The following ADGRV1 variants were observed in gnomAD, a reference collection of about 807,000 sequenced individuals.
ADGRV1 encodes the protein adhesion G protein-coupled receptor V1, also known as G-protein coupled receptor 98.
Under a neutral mutation model 596.2 loss-of-function variants are expected in ADGRV1, and 359 were observed. The ratio of observed to expected loss-of-function variants is 0.60; its 90% CI spans 0.55 to 0.66. The LOEUF is 0.66. ADGRV1 is among the 30% of genes least tolerant of loss of function. The pLI, the probability that ADGRV1 is intolerant of heterozygous loss-of-function variation, is 0.00. For synonymous variants in ADGRV1, 2,681 were observed against 2,679.2 expected, an observed-to-expected ratio of 1.00 and a Z score of -0.02; for missense variants, 7,274 against 7,575.6, an observed-to-expected ratio of 0.96 and a Z score of 1.48.
intron 87 of ADGRV1, among the ~76,000 whole-genome samples, chr5:91,136,488 G>T (rs1794648247): frequency 6.6e-6 from 1 of 152,180 alleles, no homozygotes; most frequent in African/African-American, 2.4e-5. Flanking sequence ...CTTGTGGCAG[G>T]CCACCTCAAC....
chr5:91,077,089 T>A (rs542627758), intron 86 of ADGRV1, among the ~76,000 whole-genome samples: 1 of 152,296 alleles, frequency 6.6e-6, no homozygotes, highest in South Asian at 2.1e-4. Flanking sequence ...GGTGGTACTG[T>A]AAATTCACGT....
chr5:91,131,972 A>G (rs1309483265), intron 87 of ADGRV1, among the ~76,000 whole-genome samples: 1 of 152,146 alleles, frequency 6.6e-6, no homozygotes, highest in Non-Finnish European at 1.5e-5. Flanking sequence ...TAACTTTTGT[A>G]TATGGTGAGA....
intron 85 of ADGRV1, among the ~76,000 whole-genome samples, chr5:91,011,839 G>A: frequency 6.6e-6 from 1 of 151,844 alleles, no homozygotes. Flanking sequence ...TTCATGGATA[G>A]TAGTAGCAAT....
chr5:91,120,217 A>G (rs1055549657), intron 87 of ADGRV1, among the ~76,000 whole-genome samples: 1 of 152,220 alleles, frequency 6.6e-6, no homozygotes, highest in African/African-American at 2.4e-5. Context: ...ATAAAGGGGC[A>G]ACAGCTATGT....
At chr5:90,915,320 G>A (rs995487150) in intron 83 of ADGRV1, among the ~76,000 whole-genome samples, 15 of 152,144 alleles carry the variant, frequency 9.9e-5, no homozygotes, top group African/African-American at 3.6e-4. Flanking sequence ...CTGGTTTAAA[G>A]GACTCTGATG....
chr5:90,882,788 T>G (rs950431473), intron 83 of ADGRV1, among the ~76,000 whole-genome samples: 3 of 152,162 alleles, frequency 2.0e-5, no homozygotes, highest in African/African-American at 7.2e-5. Flanking sequence ...TAAAAAATAG[T>G]CAACTAATAA....
intron 62 of ADGRV1, among the ~76,000 whole-genome samples, 160 bp downstream of exon 62, chr5:90,778,203 C>CGT (rs754701646): frequency 1.6e-3 from 242 of 148,454 alleles, no homozygotes; most frequent in Admixed American, 4.0e-3. Context: ...TTGGCGTGCA[C>CGT]GTGTGTGTGT....
chr5:90,823,627 C>A (rs745375935), intron 76 of ADGRV1, 31 bp downstream of exon 76: 16 of 1,551,936 alleles, frequency 1.0e-5, no homozygotes, highest in Non-Finnish European at 1.2e-5. Flanking sequence ...CTAGTGTCAA[C>A]TTCTAATTAT....
rs991838775 is a variant in ADGRV1, at chr5:90,908,691, C to T, written c.17856+44834C>T. Among the ~76,000 whole-genome samples, 13 of 152,120 alleles carry T rather than the reference C, an allele frequency of 8.5e-5. No individual in the cohort carries two copies. The East Asian group carries it at 1.2e-3, about 14-fold the overall frequency. ...TAAATATTGTGTATATGACCTTCTG[C>T]GCATTTGCCTGAGTGAAGAGTGATA... On this transcript the variant is annotated intron_variant, in intron 83 of 89. Coordinates refer to ENST00000405460, the MANE Select transcript of ADGRV1 (RefSeq NM_032119.4).
At chr5:90,682,233 G>A (rs551408140) in intron 27 of ADGRV1, among the ~76,000 whole-genome samples, 1 of 152,312 alleles carries the variant, frequency 6.6e-6, no homozygotes, top group African/African-American at 2.4e-5. Flanking sequence ...CTATATCTCA[G>A]CAGGTGCTTT....
intron 87 of ADGRV1, among the ~76,000 whole-genome samples, 192 bp from the exon 88 acceptor site, chr5:91,149,831 CAAAAAAA>C (rs59523008): frequency 2.3e-5 from 2 of 85,924 alleles, no homozygotes; most frequent in Non-Finnish European, 4.2e-5. Context: ...AACTCCAGCT[CAAAAAAA>C]AAAAAAAAAA....
chr5:90,760,690 ATATTT>A (rs1032841735), intron 58 of ADGRV1, among the ~76,000 whole-genome samples: 1 of 152,116 alleles, frequency 6.6e-6, no homozygotes, highest in Admixed American at 6.6e-5. Context: ...GTATTTCTCT[ATATTT>A]CTTCTCTCTT....
chr5:90,745,580 T>C lies in ADGRV1; in HGVS notation c.10770-11T>C. 1 of 1,590,484 alleles carries C rather than the reference T, an allele frequency of 6.3e-7. No individual in the cohort carries two copies. Among genetic ancestry groups the C allele is most frequent in the Non-Finnish European group, 8.6e-7 (1 of 1,162,382 alleles). On this transcript the variant is annotated splice_polypyrimidine_tract_variant and intron_variant, in intron 51 of 89. Coordinates refer to ENST00000405460, the MANE Select transcript of ADGRV1 (RefSeq NM_032119.4). ...GTAGTTGACTTATTTTGTATATGCT[T>C]CTTATGGTAGTTCAGGTGAACTGAT... is the stretch of plus-strand genomic sequence containing the variant.
chr5:90,979,829 A>T (rs918601187), intron 84 of ADGRV1, among the ~76,000 whole-genome samples: 3 of 152,238 alleles, frequency 2.0e-5, no homozygotes, highest in South Asian at 2.1e-4. Flanking sequence ...TTGGCCAAAA[A>T]GCAGTTTATC....
At chr5:91,000,478 A>T (rs1457543614) in intron 85 of ADGRV1, among the ~76,000 whole-genome samples, 3 of 152,208 alleles carry the variant, frequency 2.0e-5, no homozygotes, top group Non-Finnish European at 4.4e-5. Flanking sequence ...TCTTCCAGAA[A>T]GGTTGAAAAT....
intron 71 of ADGRV1, among the ~76,000 whole-genome samples, chr5:90,804,182 C>A (rs1761679607): frequency 6.6e-6 from 1 of 152,096 alleles, no homozygotes. Context: ...GTGGGTGAAT[C>A]CCCTGAGGTC....
intron 85 of ADGRV1, among the ~76,000 whole-genome samples, chr5:91,045,294 A>G (rs906891234): frequency 1.3e-5 from 2 of 152,194 alleles, no homozygotes; most frequent in African/African-American, 4.8e-5. Flanking sequence ...CCTCAACAAA[A>G]TACTGGCTAA....
intron 20 of ADGRV1, chr5:90,654,236 A>T (rs895241980): frequency 5.0e-6 from 2 of 402,634 alleles, no homozygotes; most frequent in African/African-American, 4.1e-5. Context: ...GACAGAAAAA[A>T]ATATGAAAGA....
chr5:90,924,629 T>A (rs1263142422), intron 83 of ADGRV1, among the ~76,000 whole-genome samples: 1 of 151,752 alleles, frequency 6.6e-6, no homozygotes. Context: ...AGAAGCTCTT[T>A]AGTTTAATTA....
Sources: gnomAD v4.1 joint callset for allele counts (sites outside exome capture counted in the v4.1 genomes callset) on GRCh38, gnomAD v4.1.1 for gene constraint, MANE v1.5 for transcripts, NCBI Gene and HGNC (gene_info 2026-07-23, HGNC 2026-07-21) for gene names.